PDE4DIP: variants seen among roughly 807,000 people sequenced by gnomAD.
PDE4DIP encodes myomegalin.
A neutral mutation model predicts 221.4 loss-of-function variants in PDE4DIP; 59 were observed. The observed-to-expected ratio is 0.27, with a 90% confidence interval of 0.22 to 0.33. The LOEUF (loss-of-function observed/expected upper bound fraction) is 0.33, where lower values mean the gene tolerates loss of function less well. Among genes scored for constraint, PDE4DIP ranks in the 10% least tolerant of loss-of-function variants. The pLI is 1.00. For missense variants in PDE4DIP, 1,036 were observed against 2,154.2 expected (o/e 0.48, Z 10.28); for synonymous variants, 404 against 815.9 (o/e 0.50, Z 8.60).
chr1:149,025,594 T>A (rs1374276736), intron 38 of PDE4DIP: 1 of 150,110 alleles, frequency 6.7e-6, no homozygotes, highest in Non-Finnish European at 1.5e-5. Context: ...AATTTCTACT[T>A]CCTCTGTCCT....
chr1:148,946,214 G>A (rs1195730711), intron 5 of PDE4DIP, among the ~76,000 whole-genome samples: 4 of 149,360 alleles, frequency 2.7e-5, no homozygotes, highest in Non-Finnish European at 6.0e-5. Flanking sequence ...AAGTTCCAGA[G>A]TCAAGGGAAT....
upstream of PDE4DIP, among the ~76,000 whole-genome samples, chr1:148,884,836 G>A (rs1695290033): frequency 1.3e-5 from 2 of 150,290 alleles, no homozygotes; most frequent in African/African-American, 4.9e-5. Context: ...GTTGTAGAAA[G>A]TCCAGATTCT....
intron 1 of PDE4DIP, among the ~76,000 whole-genome samples, chr1:148,914,312 AGTAATAC>A (rs1360752602): frequency 6.6e-6 from 1 of 151,640 alleles, no homozygotes; most frequent in Non-Finnish European, 1.5e-5. Flanking sequence ...TGAGAGCTTG[AGTAATAC>A]GATGATTAAG....
intron 14 of PDE4DIP, among the ~76,000 whole-genome samples, chr1:148,969,925 A>T (rs587670161): frequency 1.3e-5 from 2 of 152,116 alleles, no homozygotes; most frequent in Admixed American, 1.3e-4. Flanking sequence ...AGGCTGGCTT[A>T]CGATTCCTGG....
chr1:148,828,922 TTGAA>T (rs1320664250), intron 1 of PDE4DIP, among the ~76,000 whole-genome samples: 59 of 151,104 alleles, frequency 3.9e-4, no homozygotes, highest in African/African-American at 1.2e-3. Flanking sequence ...TAATTATTTA[TTGAA>T]TGAATGAATG....
chr1:148,960,094 A>G (rs1335854317), intron 5 of PDE4DIP, among the ~76,000 whole-genome samples: 1 of 152,302 alleles, frequency 6.6e-6, no homozygotes, highest in Non-Finnish European at 1.5e-5. Flanking sequence ...TTTCTTAAGG[A>G]CAAGGACATC....
chr1:148,898,549 G>T, intron 1 of PDE4DIP, among the ~76,000 whole-genome samples: 1 of 58,634 alleles, frequency 1.7e-5, no homozygotes, highest in Non-Finnish European at 3.1e-5. Flanking sequence ...TTTTTGAGAT[G>T]GAGTCTCACT....
At chr1:148,998,113 T>C in intron 22 of PDE4DIP, 30 bp from the exon 26 acceptor site, 1 of 851,870 alleles carries the variant, frequency 1.2e-6, no homozygotes, top group Non-Finnish European at 1.9e-6. Context: ...TTTAATGGCC[T>C]AACTTCTTCA....
chr1:148,960,607 G>A (rs2056667196), intron 5 of PDE4DIP, 47 bp from the exon 9 acceptor site: 4 of 272,644 alleles, frequency 1.5e-5, no homozygotes, highest in Non-Finnish European at 6.2e-6. Flanking sequence ...AAAAAATTTT[G>A]TTGGCCATGT....
chr1:148,820,674 C>G (rs1553359816), intron 1 of PDE4DIP, among the ~76,000 whole-genome samples: 1 of 148,030 alleles, frequency 6.8e-6, no homozygotes, highest in Admixed American at 6.7e-5. Context: ...GTGGGTGTGT[C>G]CATTCCTCCC....
chr1:148,911,893 G>C (rs6692866), intron 1 of PDE4DIP, among the ~76,000 whole-genome samples: 111 of 149,996 alleles, frequency 7.4e-4, no homozygotes, highest in Middle Eastern at 3.4e-3. Flanking sequence ...AGAGGCTCTA[G>C]AGCAAATCTG....
At chr1:148,992,357 C>G in intron 22 of PDE4DIP, 1 of 1,543,512 alleles carries the variant, frequency 6.5e-7, no homozygotes, top group Middle Eastern at 1.7e-4. Context: ...CATCGAAGGG[C>G]TGCTCGGGGA....
intron 2 of PDE4DIP, chr1:148,930,489 C>CCTGGGCGACAGAG (rs2047687050): frequency 6.6e-6 from 1 of 151,062 alleles, no homozygotes; most frequent in African/African-American, 2.4e-5. Flanking sequence ...TGCACTCCAG[C>CCTGGGCGACAGAG]CTGGGCGACA....
chr1:149,019,735 T>G (rs2072028288), intron 35 of PDE4DIP: 1 of 153,840 alleles, frequency 6.5e-6, no homozygotes, highest in African/African-American at 2.4e-5. Flanking sequence ...CTTTGACAAC[T>G]TGTGAAGATC....
chr1:149,032,423 C>T (rs2076956801), exon 44 of PDE4DIP: 2 of 444,532 alleles, frequency 4.5e-6, no homozygotes, highest in Admixed American at 7.1e-5. Flanking sequence ...GCTCCTCTGG[C>T]AGGTTCTAAA....
At chr1:148,994,564 C>T (rs2063761070) in intron 22 of PDE4DIP, among the ~76,000 whole-genome samples, 1 of 147,248 alleles carries the variant, frequency 6.8e-6, no homozygotes, top group South Asian at 2.2e-4. Context: ...TAATTGTATA[C>T]ATTTATGGGG....
At chr1:149,018,051 T>C (rs1335473195) in intron 34 of PDE4DIP, among the ~76,000 whole-genome samples, 172 bp downstream of exon 37, 15 of 152,200 alleles carry the variant, frequency 9.9e-5, no homozygotes, top group Non-Finnish European at 1.6e-4. Flanking sequence ...GTAACTCTCT[T>C]TAAGGCAGAA....
intron 3 of PDE4DIP, among the ~76,000 whole-genome samples, chr1:148,883,221 G>A (rs1158715949): frequency 2.0e-5 from 3 of 148,246 alleles, no homozygotes; most frequent in Non-Finnish European, 4.5e-5. Flanking sequence ...GTATAATAGT[G>A]ATCATATTTA....
At chr1:149,030,031 T>A in intron 42 of PDE4DIP, 106 bp downstream of exon 45, 1 of 705,450 alleles carries the variant, frequency 1.4e-6, no homozygotes, top group Non-Finnish European at 2.3e-6. Context: ...TGTTGGGAGT[T>A]GAGACTGATT....
Sources: gnomAD v4.1 joint callset for allele counts (sites outside exome capture counted in the v4.1 genomes callset) on GRCh38, gnomAD v4.1.1 for gene constraint, MANE v1.5 for transcripts, NCBI Gene and HGNC (gene_info 2026-07-23, HGNC 2026-07-21) for gene names.